Variants in SGCZ observed in about 807,000 individuals in gnomAD.
SGCZ encodes zeta-sarcoglycan.
A neutral mutation model predicts 41.3 loss-of-function variants in SGCZ; 40 were observed. The ratio of observed to expected loss-of-function variants is 0.97; its 90% CI spans 0.75 to 1.26. SGCZ has a LOEUF of 1.26. Among genes scored for constraint, SGCZ ranks in the 50% most tolerant of loss-of-function variants. The probability of loss-of-function intolerance (pLI) is 0.00; values close to 1 mark genes in which losing one functional copy is unlikely to be tolerated. For missense variants in SGCZ, 552 were observed against 369.8 expected, an observed-to-expected ratio of 1.49 and a Z score of -4.04; for synonymous variants, 206 against 137.5, an observed-to-expected ratio of 1.50 and a Z score of -3.49.
At chr8:14,667,710 G>A (rs1292132727) in intron 1 of SGCZ, among the ~76,000 whole-genome samples, 2 of 152,082 alleles carry the variant, frequency 1.3e-5, no homozygotes, top group Non-Finnish European at 2.9e-5. Flanking sequence ...AACTCTTGTT[G>A]ATTTTCATGA....
At chr8:14,410,795 C>T (rs6988770) in intron 2 of SGCZ, among the ~76,000 whole-genome samples, 6,824 of 152,044 alleles carry the variant, frequency 0.045, 495 homozygotes, top group African/African-American at 0.15. Context: ...ACCAATGAAA[C>T]GAACAAAAAT....
At chr8:14,603,166 T>A (rs1805647563) in intron 1 of SGCZ, among the ~76,000 whole-genome samples, 2 of 152,148 alleles carry the variant, frequency 1.3e-5, no homozygotes, top group Non-Finnish European at 2.9e-5. Flanking sequence ...AACCTAAACC[T>A]TCGTTCTTGA....
intron 1 of SGCZ, among the ~76,000 whole-genome samples, chr8:14,651,507 G>C (rs1807397058): frequency 6.6e-6 from 1 of 151,922 alleles, no homozygotes; most frequent in African/African-American, 2.4e-5. Context: ...AATGTTAAAG[G>C]CTTTTAAGCG....
intron 1 of SGCZ, among the ~76,000 whole-genome samples, chr8:14,643,558 A>G (rs930891445): frequency 6.6e-6 from 1 of 151,590 alleles, no homozygotes; most frequent in Non-Finnish European, 1.5e-5. Context: ...AAAAAAGAGA[A>G]GCTTAATCCA....
intron 4 of SGCZ, among the ~76,000 whole-genome samples, chr8:14,210,249 G>C (rs1214272666): frequency 6.6e-6 from 1 of 152,070 alleles, no homozygotes; most frequent in African/African-American, 2.4e-5. Context: ...AGTAGGGAAA[G>C]GGTTTTACAA....
At chr8:14,588,013 A>G (rs1009088235) in intron 1 of SGCZ, among the ~76,000 whole-genome samples, 4 of 152,122 alleles carry the variant, frequency 2.6e-5, no homozygotes, top group Non-Finnish European at 5.9e-5. Flanking sequence ...ATGTTTAAAA[A>G]GTTGAGCGAT....
At chr8:14,806,830 C>G (rs1436436917) in intron 1 of SGCZ, among the ~76,000 whole-genome samples, 1 of 151,702 alleles carries the variant, frequency 6.6e-6, no homozygotes, top group African/African-American at 2.4e-5. Flanking sequence ...CAAAAATCCT[C>G]AATAAAATAC....
chr8:14,705,484 A>G (rs1253524349), intron 1 of SGCZ, among the ~76,000 whole-genome samples: 3 of 151,996 alleles, frequency 2.0e-5, no homozygotes, highest in African/African-American at 7.2e-5. Flanking sequence ...CCTGCCATAT[A>G]AGAAAAATAG....
At chr8:15,231,917 C>T (rs1170520305) in intron 1 of SGCZ, among the ~76,000 whole-genome samples, 3 of 152,094 alleles carry the variant, frequency 2.0e-5, no homozygotes, top group African/African-American at 4.8e-5. Flanking sequence ...CCACCATGCC[C>T]GGCCTAAAAT....
At chr8:14,106,237 G>C (rs929049978) in intron 6 of SGCZ, among the ~76,000 whole-genome samples, 2 of 152,114 alleles carry the variant, frequency 1.3e-5, no homozygotes, top group African/African-American at 4.8e-5. Context: ...TGTTCTAATG[G>C]AATTTACAGT....
intron 1 of SGCZ, among the ~76,000 whole-genome samples, chr8:15,215,384 A>G (rs1288881102): frequency 1.3e-5 from 2 of 152,222 alleles, no homozygotes; most frequent in African/African-American, 4.8e-5. Context: ...TGAATATAAC[A>G]TAAACAATCA....
intron 2 of SGCZ, among the ~76,000 whole-genome samples, chr8:14,398,213 T>C (rs1357533037): frequency 6.6e-6 from 1 of 152,160 alleles, no homozygotes; most frequent in Non-Finnish European, 1.5e-5. Flanking sequence ...CTGTTTCTCT[T>C]AGCTTTTGGA....
intron 1 of SGCZ, among the ~76,000 whole-genome samples, chr8:14,615,049 A>G (rs1359999009): frequency 8.5e-5 from 13 of 152,092 alleles, no homozygotes; most frequent in African/African-American, 3.1e-4. Flanking sequence ...AAAAAGATTA[A>G]AAGTGAATTT....
chr8:14,780,177 A>C (rs1404570613), intron 1 of SGCZ, among the ~76,000 whole-genome samples: 1 of 152,078 alleles, frequency 6.6e-6, no homozygotes, highest in Non-Finnish European at 1.5e-5. Context: ...GATCCAGACC[A>C]TCCTGGATAA....
chr8:14,872,314 T>A (rs541026395), intron 1 of SGCZ, among the ~76,000 whole-genome samples: 118 of 152,226 alleles, frequency 7.8e-4, no homozygotes, highest in African/African-American at 2.7e-3. Context: ...ACTTAAACTA[T>A]AATTTTTTAA....
intron 1 of SGCZ, among the ~76,000 whole-genome samples, chr8:14,865,324 G>T (rs1803892002): frequency 2.0e-5 from 3 of 151,960 alleles, no homozygotes; most frequent in South Asian, 4.2e-4. Context: ...ATTGTCCTGG[G>T]TTCTTTTTTC....
chr8:14,852,389 A>G (rs1803361664), intron 1 of SGCZ, among the ~76,000 whole-genome samples: 1 of 152,224 alleles, frequency 6.6e-6, no homozygotes, highest in Non-Finnish European at 1.5e-5. Flanking sequence ...ATATGGCTAC[A>G]GAATATTCTT....
At chr8:14,468,436 C>T (rs1324158119) in intron 2 of SGCZ, among the ~76,000 whole-genome samples, 1 of 151,958 alleles carries the variant, frequency 6.6e-6, no homozygotes, top group Non-Finnish European at 1.5e-5. Context: ...AATTATTTTG[C>T]ACTCTCAAAA....
intron 4 of SGCZ, chr8:14,164,976 CA>C (rs1804165237): frequency 3.0e-6 from 1 of 329,052 alleles, no homozygotes; most frequent in Non-Finnish European, 5.7e-6. Context: ...CACATATCCA[CA>C]AAAAGAGACA....
Sources: gnomAD v4.1 joint callset for allele counts (sites outside exome capture counted in the v4.1 genomes callset) on GRCh38, gnomAD v4.1.1 for gene constraint, MANE v1.5 for transcripts, NCBI Gene and HGNC (gene_info 2026-07-23, HGNC 2026-07-21) for gene names.